Variants in SPINK8 observed in about 807,000 individuals in gnomAD.
The protein encoded by SPINK8 is serine peptidase inhibitor Kazal type 8 (putative).
SPINK8 carries 12 observed loss-of-function variants against 14.4 expected under a neutral mutation model. The observed-to-expected ratio is 0.83, with a 90% confidence interval of 0.53 to 1.35. The LOEUF is 1.35. Among genes scored for constraint, SPINK8 ranks in the 40% most tolerant of loss-of-function variants. The probability of loss-of-function intolerance (pLI) is 0.00; values close to 1 mark genes in which losing one functional copy is unlikely to be tolerated. For synonymous variants in SPINK8, 32 were observed against 37.6 expected, an observed-to-expected ratio of 0.85 and a Z score of 0.55; for missense variants, 103 against 117.0, an observed-to-expected ratio of 0.88 and a Z score of 0.55.
chr3:48,327,757 G>GA (rs1223862513), intron 4 of SPINK8, among the ~76,000 whole-genome samples: 2 of 152,064 alleles, frequency 1.3e-5, no homozygotes, highest in Admixed American at 6.6e-5. Flanking sequence ...TGAGAGCCTT[G>GA]AAAAAAATGT....
Position 48,328,323 on chromosome 3 carries a change from C to G in SPINK8, c.19G>C (p.Asp7His). 1 of 1,611,484 alleles carries G rather than the reference C, an allele frequency of 6.2e-7. No homozygotes were observed. The highest frequency in any genetic ancestry group is 8.5e-7 in the Non-Finnish European group (1 of 1,178,878). The change falls in exon 4 of 8, where the codon GAC (aspartate) becomes CAC (histidine). Residue 7 changes from aspartate to histidine, a missense_variant. Coordinates refer to ENST00000434006, the MANE Select transcript of SPINK8 (RefSeq NM_001080525.3). MKGICS[D>H]AILVLATSMW... Reference sequence around the variant, plus strand: ...GAGGTAGCTAGAACAAGGATGGCGTCTGAGCAGATCCCCTTCATGGTGACA... The same window carrying G: ...GAGGTAGCTAGAACAAGGATGGCGTGTGAGCAGATCCCCTTCATGGTGACA...
chr3:48,326,521 C>T (rs2036143677), intron 4 of SPINK8, among the ~76,000 whole-genome samples: 1 of 151,708 alleles, frequency 6.6e-6, no homozygotes, highest in Non-Finnish European at 1.5e-5. Context: ...ATGGGAGAAT[C>T]GCTTGAACTT....
At position 48,319,497 on chromosome 3, in the gene SPINK8, A is replaced by G. The variant is rs1443035594; in HGVS notation, c.239T>C (p.Leu80Pro). The G allele has an allele frequency of 6.2e-7, 1 of 1,613,952 alleles. No homozygotes were observed. The highest frequency in any genetic ancestry group is 8.5e-7 in the Non-Finnish European group (1 of 1,179,826). The change falls in exon 6 of 8, where the codon CTA becomes CCA. Residue 80 changes from leucine to proline, a missense_variant and splice_region_variant. Leu to Pro is a moderately conservative substitution (Grantham distance 98). Transcript: ENST00000434006. ...AAGGGAGAACAAAATTAGGACTTAC[A>G]GAATTTTGGAGCACAGATGGCAGTC... Reference protein sequence around the residue: ...SSDCHLCSKILFEGLNITKLY... With the variant: ...SSDCHLCSKIPFEGLNITKLY...
At chr3:48,319,405 A>G (rs1466058277) in intron 6 of SPINK8, 92 bp downstream of exon 6, 1 of 1,429,762 alleles carries the variant, frequency 7.0e-7, no homozygotes, top group African/African-American at 1.4e-5. Flanking sequence ...GTCTCATTGG[A>G]TGATGTAGGA....
At position 48,319,553 on chromosome 3, in the gene SPINK8, A is replaced by G. The variant is rs1183937749; in HGVS notation, c.183T>C (p.Ile61=). 14 of 1,613,994 alleles carry G rather than the reference A, an allele frequency of 8.7e-6. No individual in the cohort carries two copies. Among genetic ancestry groups the G allele is most frequent in the South Asian group, 4.4e-5 (4 of 91,072 alleles). Residue 61 remains isoleucine (I), a synonymous_variant, in exon 6 of 8, where the codon ATT becomes ATC. Transcript: ENST00000434006. The part of the protein sequence containing the change: ...FLSYIKPSEP[I]CGSDQVTYSS... ...TGTAGGTAACCTGGTCACTGCCACA[A>G]ATAGGTTCACTGGGCTTGATGTAGG... is the stretch of plus-strand genomic sequence containing the variant.
chr3:48,307,441 C>T lies in SPINK8; in HGVS notation c.283-438G>A, dbSNP rs568957078. On this transcript the variant is annotated intron_variant, in intron 7 of 7. Transcript: ENST00000434006. Reference sequence around the variant, plus strand: ...CCTTCCTTTCCTCCCTTCCTTCTTCCACTTCCTCTTCCTCCCTATCCCTCT... The same window carrying T: ...CCTTCCTTTCCTCCCTTCCTTCTTCTACTTCCTCTTCCTCCCTATCCCTCT... Among the ~76,000 whole-genome samples the T allele has an allele frequency of 2.6e-5, 4 of 151,068 alleles. No homozygotes were observed. The East Asian group carries it at 7.8e-4, about 29-fold the overall frequency.
intron 2 of SPINK8, among the ~76,000 whole-genome samples, chr3:48,329,825 C>T (rs925327625): frequency 1.3e-5 from 2 of 152,186 alleles, no homozygotes; most frequent in African/African-American, 4.8e-5. Flanking sequence ...CTGATTTGGC[C>T]TGACTCACAG....
chr3:48,322,521 A>G (rs937949351), intron 4 of SPINK8, among the ~76,000 whole-genome samples: 3 of 152,088 alleles, frequency 2.0e-5, no homozygotes, highest in Non-Finnish European at 4.4e-5. Flanking sequence ...TTTTTAGTAG[A>G]GACGGGGTTT....
intron 7 of SPINK8, among the ~76,000 whole-genome samples, chr3:48,307,548 C>G (rs1211254306): frequency 1.4e-5 from 2 of 143,682 alleles, no homozygotes; most frequent in East Asian, 4.0e-4. Context: ...CCCACCCCCC[C>G]ACCTCTTCTG....
At chr3:48,318,404 G>A (rs1019815882) in intron 6 of SPINK8, among the ~76,000 whole-genome samples, 11 of 152,224 alleles carry the variant, frequency 7.2e-5, no homozygotes. Context: ...GCCTCCCAAA[G>A]TGCTGGGATT....
intron 6 of SPINK8, among the ~76,000 whole-genome samples, chr3:48,312,795 G>A (rs957400058): frequency 7.2e-5 from 11 of 152,158 alleles, no homozygotes; most frequent in East Asian, 1.9e-4. Flanking sequence ...TCAGAAGTTC[G>A]AGACCAGCCT....
intron 6 of SPINK8, among the ~76,000 whole-genome samples, chr3:48,314,426 C>T (rs1290494742): frequency 6.6e-6 from 1 of 152,038 alleles, no homozygotes; most frequent in African/African-American, 2.4e-5. Flanking sequence ...AGTTTCATGG[C>T]ATTTTATCTT....
intron 2 of SPINK8, among the ~76,000 whole-genome samples, chr3:48,330,205 A>G (rs1407885759): frequency 6.6e-6 from 1 of 152,150 alleles, no homozygotes; most frequent in African/African-American, 2.4e-5. Flanking sequence ...TTTTTAAGTT[A>G]CATGTAAAAT....
rs1324653723 is a variant in SPINK8 at position 48,306,969 on chromosome 3, T to C, written c.*23A>G. 1 of 1,612,194 alleles carries C rather than the reference T, an allele frequency of 6.2e-7. No homozygotes were observed. Among genetic ancestry groups the C allele is most frequent in the Non-Finnish European group, 8.5e-7 (1 of 1,178,972 alleles). On this transcript the variant is annotated 3_prime_UTR_variant, in exon 8 of 8. Coordinates refer to ENST00000434006, the MANE Select transcript of SPINK8 (RefSeq NM_001080525.3). ...CTTGGCAATCTGGAGATTCAGTAGG[T>C]TTTATAATTCTTTGTCGTACGTTCA...
chr3:48,326,609 G>GA (rs761081543), intron 4 of SPINK8, among the ~76,000 whole-genome samples: 124 of 134,078 alleles, frequency 9.2e-4, no homozygotes, highest in East Asian at 2.0e-3. Flanking sequence ...TCTGTCTCAA[G>GA]AAAAAAAAAA....
intron 6 of SPINK8, 67 bp from the exon 7 acceptor site, chr3:48,310,013 ACTTGATAAT>A: frequency 7.7e-7 from 1 of 1,300,472 alleles, no homozygotes; most frequent in Middle Eastern, 2.0e-4. Flanking sequence ...ACTAAATTTT[ACTTGATAAT>A]CTTTGGCTAA....
intron 6 of SPINK8, 94 bp downstream of exon 6, chr3:48,319,403 G>T: frequency 7.1e-7 from 1 of 1,414,346 alleles, no homozygotes; most frequent in Non-Finnish European, 9.8e-7. Flanking sequence ...AGGTCTCATT[G>T]GATGATGTAG....
Position 48,328,280 on chromosome 3 carries a change from G to A in SPINK8, c.62C>T (p.Ala21Val), listed in dbSNP as rs770160335. 3 of 1,609,558 alleles carry A rather than the reference G, an allele frequency of 1.9e-6. No homozygotes were observed. Among genetic ancestry groups the A allele is most frequent in the Non-Finnish European group, 2.5e-6 (3 of 1,177,874 alleles). ...VLATSMWMAF[A>V]IDFPLPMASE... ...AGCAAGGACACATAACTCACCAATT[G>A]CAAAGGCCATCCACATGGAGGTAGC... The change falls in exon 4 of 8, where the codon GCA (alanine) becomes GTA (valine). Residue 21 changes from alanine to valine, a missense_variant. Coordinates refer to ENST00000434006, the MANE Select transcript of SPINK8 (RefSeq NM_001080525.3).
At chr3:48,322,701 G>A (rs1162044002) in intron 4 of SPINK8, among the ~76,000 whole-genome samples, 2 of 152,180 alleles carry the variant, frequency 1.3e-5, no homozygotes, top group Non-Finnish European at 2.9e-5. Context: ...ATGCAACGAA[G>A]TATATGGTTT....
Sources: allele counts gnomAD v4.1 joint callset (sites outside exome capture counted in the v4.1 genomes callset), GRCh38; gene constraint gnomAD v4.1.1; transcripts MANE v1.5; gene names NCBI Gene and HGNC (gene_info 2026-07-23, HGNC 2026-07-21).